The following NAALADL2 variants were observed in gnomAD, a reference collection of about 807,000 sequenced individuals.
NAALADL2 encodes the protein inactive N-acetylated-alpha-linked acidic dipeptidase-like protein 2.
NAALADL2 carries 76 observed loss-of-function variants against 87.2 expected under a neutral mutation model. The observed-to-expected ratio is 0.87, with a 90% CI of 0.72 to 1.05. The LOEUF is 1.05. Among genes scored for constraint, NAALADL2 ranks in the 50% least tolerant of loss-of-function variants. NAALADL2 has a pLI of 0.00. For synonymous variants in NAALADL2, 354 were observed against 331.0 expected (o/e 1.07, Z -0.75); for missense variants, 1,089 against 945.8 (o/e 1.15, Z -1.99).
intron 4 of NAALADL2, among the ~76,000 whole-genome samples, chr3:175,292,591 G>GACACACACACACAC (rs1560302143): frequency 2.3e-5 from 1 of 44,126 alleles, no homozygotes; most frequent in African/African-American, 1.1e-4. Flanking sequence ...TGTGAGTTGG[G>GACACACACACACAC]ATACACACAC....
At chr3:175,109,697 A>T (rs1174219812) in intron 2 of NAALADL2, among the ~76,000 whole-genome samples, 1 of 151,842 alleles carries the variant, frequency 6.6e-6, no homozygotes, top group Non-Finnish European at 1.5e-5. Context: ...TTGCCTCTTC[A>T]GAGATTCTAG....
At chr3:174,946,828 T>C (rs1739494500) in intron 1 of NAALADL2, among the ~76,000 whole-genome samples, 1 of 152,226 alleles carries the variant, frequency 6.6e-6, no homozygotes, top group Admixed American at 6.5e-5. Flanking sequence ...AAACTCTGCA[T>C]ACTCTCTTGC....
chr3:175,679,968 A>G (rs974497743), intron 11 of NAALADL2, among the ~76,000 whole-genome samples: 1 of 152,178 alleles, frequency 6.6e-6, no homozygotes, highest in Non-Finnish European at 1.5e-5. Context: ...ATGCCGTCAC[A>G]TATTTTCATC....
intron 3 of NAALADL2, among the ~76,000 whole-genome samples, chr3:174,764,145 A>C (rs1713461139): frequency 6.8e-6 from 1 of 147,864 alleles, no homozygotes; most frequent in East Asian, 2.0e-4. Context: ...CTATTTTTTA[A>C]ACCAAAATTT....
chr3:174,749,994 TC>T (rs1734663845), intron 3 of NAALADL2, among the ~76,000 whole-genome samples: 1 of 152,188 alleles, frequency 6.6e-6, no homozygotes, highest in South Asian at 2.1e-4. Flanking sequence ...TGGACTGCCT[TC>T]CCATGGTTCC....
intron 3 of NAALADL2, among the ~76,000 whole-genome samples, chr3:175,254,593 C>T (rs1223501459): frequency 6.6e-6 from 1 of 152,154 alleles, no homozygotes; most frequent in Non-Finnish European, 1.5e-5. Context: ...AGTTCACTTA[C>T]ATTACCAATT....
Position 175,756,437 on chromosome 3 carries a change from C to T in NAALADL2, c.2189+1019C>T, listed in dbSNP as rs574131734. ...TAGAATCAACCTGAGTGTCTATCAACGTGTGATTGGATTAAAAAATGTGGT... is the reference window on the plus strand; with the variant it reads ...TAGAATCAACCTGAGTGTCTATCAATGTGTGATTGGATTAAAAAATGTGGT... On this transcript the variant is annotated intron_variant, in intron 13 of 13. Transcript: ENST00000454872. Among the ~76,000 whole-genome samples, 71 of 152,176 alleles carry T rather than the reference C, an allele frequency of 4.7e-4. 1 individual carries two copies. The highest frequency in any genetic ancestry group is 1.5e-3 in the African/African-American group (63 of 41,538).
intron 11 of NAALADL2, among the ~76,000 whole-genome samples, chr3:175,663,035 A>C (rs374763562): frequency 3.9e-5 from 6 of 151,948 alleles, no homozygotes; most frequent in African/African-American, 7.2e-5. Context: ...CTGAATTTGG[A>C]AATATTTACT....
chr3:174,733,401 G>A (rs1223211595), intron 2 of NAALADL2, among the ~76,000 whole-genome samples: 2 of 152,206 alleles, frequency 1.3e-5, no homozygotes. Flanking sequence ...TTAGACAAAA[G>A]ATGACATGAC....
intron 10 of NAALADL2, among the ~76,000 whole-genome samples, chr3:175,595,803 G>A (rs1214373668): frequency 6.6e-6 from 1 of 151,936 alleles, no homozygotes; most frequent in African/African-American, 2.4e-5. Context: ...TGGTTAAAAT[G>A]ACCATACTGC....
chr3:174,487,524 T>G (rs1717928600), intron 1 of NAALADL2, among the ~76,000 whole-genome samples: 1 of 151,960 alleles, frequency 6.6e-6, no homozygotes, highest in Admixed American at 6.6e-5. Context: ...CAAGAAAAAT[T>G]ATAAAATAGT....
At chr3:174,898,321 A>G (rs995592805) in intron 1 of NAALADL2, among the ~76,000 whole-genome samples, 52 of 151,434 alleles carry the variant, frequency 3.4e-4, no homozygotes, top group African/African-American at 1.1e-3. Context: ...TGGTTACCAG[A>G]GATTGGGAAG....
At chr3:174,496,495 G>A (rs1554140) in intron 1 of NAALADL2, among the ~76,000 whole-genome samples, 2 of 118,852 alleles carry the variant, frequency 1.7e-5, no homozygotes, top group East Asian at 5.4e-4. Context: ...CTATATGTAT[G>A]TATATATTTA....
At chr3:174,834,003 C>G (rs1723035625) in intron 3 of NAALADL2, among the ~76,000 whole-genome samples, 1 of 150,510 alleles carries the variant, frequency 6.6e-6, no homozygotes, top group Non-Finnish European at 1.5e-5. Flanking sequence ...GACAAAATGT[C>G]TACTCTCTCA....
chr3:174,882,576 C>T (rs1221367277), intron 1 of NAALADL2, among the ~76,000 whole-genome samples: 2 of 138,806 alleles, frequency 1.4e-5, no homozygotes, highest in East Asian at 2.0e-4. Context: ...TACATATGTG[C>T]TTATACACAT....
chr3:174,457,553 C>T (rs1715924131), intron 1 of NAALADL2, among the ~76,000 whole-genome samples: 3 of 152,090 alleles, frequency 2.0e-5, no homozygotes, highest in South Asian at 4.1e-4. Flanking sequence ...CATCCGGGCA[C>T]GGAGGCTCAT....
At chr3:175,011,272 C>CAGAGAGAGAGAGAGAGAGAGAGAG (rs1408169414) in intron 1 of NAALADL2, among the ~76,000 whole-genome samples, 4 of 110,288 alleles carry the variant, frequency 3.6e-5, no homozygotes, top group African/African-American at 1.3e-4. Context: ...GGGAGAGAGA[C>CAGAGAGAGAGAGAGAGAGAGAGAG]AGAGAGACAG....
chr3:174,999,968 G>GA, intron 1 of NAALADL2, among the ~76,000 whole-genome samples: 1 of 151,986 alleles, frequency 6.6e-6, no homozygotes, highest in East Asian at 1.9e-4. Flanking sequence ...AGGTATATTT[G>GA]AAAAAAGTAA....
intron 1 of NAALADL2, among the ~76,000 whole-genome samples, chr3:175,090,734 A>G (rs530757806): frequency 6.6e-6 from 1 of 152,280 alleles, no homozygotes; most frequent in East Asian, 1.9e-4. Flanking sequence ...CTATGCCTAA[A>G]TTCAGTGTAC....
Sources: gnomAD v4.1 joint callset for allele counts (sites outside exome capture counted in the v4.1 genomes callset) on GRCh38, gnomAD v4.1.1 for gene constraint, MANE v1.5 for transcripts, NCBI Gene and HGNC (gene_info 2026-07-23, HGNC 2026-07-21) for gene names.